BLOC1S3: variants seen among roughly 807,000 people sequenced by gnomAD.
BLOC1S3 encodes biogenesis of lysosome-related organelles complex 1 subunit 3.
BLOC1S3 carries 7 observed loss-of-function variants against 9.1 expected under a neutral mutation model. The observed-to-expected ratio is 0.77, with a 90% CI of 0.44 to 1.45. BLOC1S3 has a LOEUF of 1.45. BLOC1S3 is among the 40% of genes most tolerant of loss of function. The pLI, the probability that BLOC1S3 is intolerant of heterozygous loss-of-function variation, is 0.01. For synonymous variants in BLOC1S3, 145 were observed against 158.4 expected (o/e 0.92, Z 0.64); for missense variants, 307 against 315.2 (o/e 0.97, Z 0.20).
intron 3 of BLOC1S3, among the ~76,000 whole-genome samples, chr19:45,211,878 G>A (rs1254924473): frequency 1.3e-5 from 2 of 152,130 alleles, no homozygotes; most frequent in African/African-American, 2.4e-5. Context: ...AGCCCAGGCC[G>A]GAGGGGCAGG....
intron 2 of BLOC1S3, among the ~76,000 whole-genome samples, chr19:45,193,949 C>T (rs1330646174): frequency 1.8e-5 from 2 of 109,374 alleles, no homozygotes; most frequent in Admixed American, 1.1e-4. Context: ...ACTACAGGCA[C>T]CCACCACCAC....
intron 3 of BLOC1S3, among the ~76,000 whole-genome samples, chr19:45,215,499 A>G (rs1444954366): frequency 6.6e-6 from 1 of 152,104 alleles, no homozygotes; most frequent in Non-Finnish European, 1.5e-5. Flanking sequence ...GTTGGCATGT[A>G]AGATGCTTAT....
At chr19:45,211,667 G>A (rs1253414677) in intron 3 of BLOC1S3, among the ~76,000 whole-genome samples, 3 of 138,238 alleles carry the variant, frequency 2.2e-5, no homozygotes, top group Non-Finnish European at 3.4e-5. Context: ...TTCCTGCCTC[G>A]GGTCAGGAAG....
chr19:45,179,745 AGGCGGCGGGGCT>A lies in BLOC1S3; in HGVS notation c.458_469del (p.Gly153_Ala156del), dbSNP rs778828143. ...CTGGCTAGTAGGCTGGCGGCAGCCCAGGCGGCGGGGCTGGCGGCGGCCCACAGCGTGCGCCTG... is the reference window on the plus strand; with the variant it reads ...CTGGCTAGTAGGCTGGCGGCAGCCCAGGCGGCGGCCCACAGCGTGCGCCTG... On this transcript the variant is annotated inframe_deletion, in exon 2 of 2. Coordinates refer to ENST00000433642, the MANE Select transcript of BLOC1S3 (RefSeq NM_212550.5). This position sits in a 1 kb window ranked among gnomAD's most constrained non-coding sequence, Gnocchi z 4.6. 26 of 1,464,274 alleles carry A rather than the reference AGGCGGCGGGGCT, an allele frequency of 1.8e-5. No homozygotes were observed. Among genetic ancestry groups the A allele is most frequent in the Non-Finnish European group, 2.3e-5 (26 of 1,117,068 alleles). The allele number at this position is 1,464,274 out of a possible 1,614,324, so 90.7% of individuals were successfully genotyped here. A position where few individuals can be genotyped will look rare whatever the true frequency, so the allele number is the denominator to read the frequency against.
Position 45,179,994 on chromosome 19 carries a change from C to A in BLOC1S3, c.*89C>A. 1.4e-6 allele frequency: 2 copies of A among 1,438,608 alleles called. No homozygotes were observed. The highest frequency in any genetic ancestry group is 1.9e-6 in the Non-Finnish European group (2 of 1,056,768). 89.1% of individuals were successfully genotyped at this position (1,438,608 alleles called of 1,614,324 possible). ...ACTCTGTCTCCTGTGTCTCTTATCA[C>A]CCCCCACCCCCGCTCCCATCTTGGT... On this transcript the variant is annotated 3_prime_UTR_variant, in exon 2 of 2. Transcript: ENST00000433642. The surrounding 1 kb of genome is among the most constrained non-coding windows in gnomAD (Gnocchi z 4.6).
intron 2 of BLOC1S3, among the ~76,000 whole-genome samples, chr19:45,195,841 C>T (rs1250988565): frequency 6.6e-6 from 1 of 152,190 alleles, no homozygotes. Flanking sequence ...GTGATCCACC[C>T]GCCTTGGCCT....
chr19:45,186,561 C>A (rs1340886260), downstream of BLOC1S3, among the ~76,000 whole-genome samples: 1 of 151,972 alleles, frequency 6.6e-6, no homozygotes, highest in Non-Finnish European at 1.5e-5. Flanking sequence ...AAAAATTAGT[C>A]CAGTGTGGTG....
chr19:45,208,763 A>G (rs1165475555), intron 3 of BLOC1S3, among the ~76,000 whole-genome samples: 4 of 152,070 alleles, frequency 2.6e-5, no homozygotes, highest in Non-Finnish European at 5.9e-5. Flanking sequence ...CAGAAAGAAA[A>G]AAAAAAAAGC....
chr19:45,216,305 G>A, intron 3 of BLOC1S3: 2 of 1,424,642 alleles, frequency 1.4e-6, no homozygotes, highest in South Asian at 1.4e-5. Context: ...ACCAGGGGTG[G>A]TGGCTCAAGC....
chr19:45,190,066 G>A (rs1011069814), intron 2 of BLOC1S3, among the ~76,000 whole-genome samples: 8 of 150,648 alleles, frequency 5.3e-5, no homozygotes, highest in African/African-American at 2.0e-4. Context: ...ACCTGGCCTC[G>A]TCTCAAGCTC....
chr19:45,215,971 G>T, intron 3 of BLOC1S3: 1 of 1,502,420 alleles, frequency 6.7e-7, no homozygotes, highest in South Asian at 1.3e-5. Flanking sequence ...CACGCTCACC[G>T]GCTCCCTCCC....
chr19:45,200,025 C>CA (rs761064416), intron 2 of BLOC1S3, among the ~76,000 whole-genome samples: 4 of 152,124 alleles, frequency 2.6e-5, no homozygotes, highest in Non-Finnish European at 4.4e-5. Flanking sequence ...TTCAGCCTTT[C>CA]AAAGTGCTGG....
chr19:45,213,235 C>G, intron 3 of BLOC1S3: 1 of 1,612,824 alleles, frequency 6.2e-7, no homozygotes, highest in Non-Finnish European at 8.5e-7. Context: ...GGCACGGTCC[C>G]GAGGGGGTGA....
At chr19:45,195,567 C>CTCCCTCCCTCCT (rs765792936) in intron 2 of BLOC1S3, among the ~76,000 whole-genome samples, 38,894 of 129,796 alleles carry the variant, frequency 0.3, 6,332 homozygotes, top group Non-Finnish European at 0.35. Context: ...CCTTCCCTCC[C>CTCCCTCCCTCCT]TCCCTCCCTC....
intron 2 of BLOC1S3, among the ~76,000 whole-genome samples, chr19:45,193,132 CAAAAAAAAAAAAAAA>C (rs71173123): frequency 1.3e-4 from 10 of 77,958 alleles, no homozygotes; most frequent in African/African-American, 2.3e-4. Flanking sequence ...AACTCCGTCT[CAAAAAAAAAAAAAAA>C]AAAAAAAAAA....
intron 3 of BLOC1S3, among the ~76,000 whole-genome samples, chr19:45,205,078 C>A (rs1399244807): frequency 2.0e-5 from 3 of 152,034 alleles, no homozygotes; most frequent in Non-Finnish European, 4.4e-5. Context: ...ATTGCATTGA[C>A]TCTAAATTAT....
At chr19:45,208,270 CCTCT>C (rs1969742469) in intron 3 of BLOC1S3, among the ~76,000 whole-genome samples, 1 of 152,006 alleles carries the variant, frequency 6.6e-6, no homozygotes. Context: ...CCACACCCAG[CCTCT>C]CTTTTTGTAA....
At chr19:45,204,225 G>A (rs1389439866) in intron 3 of BLOC1S3, among the ~76,000 whole-genome samples, 1 of 132,454 alleles carries the variant, frequency 7.5e-6, no homozygotes, top group Non-Finnish European at 1.6e-5. Context: ...TTTTGCTCTT[G>A]TTGTCCAGGC....
intron 3 of BLOC1S3, among the ~76,000 whole-genome samples, chr19:45,216,496 T>C (rs1167786355): frequency 2.0e-5 from 3 of 151,946 alleles, no homozygotes; most frequent in Non-Finnish European, 2.9e-5. Context: ...GGAGAATCAC[T>C]TGAAATCGAG....
Sources: allele counts gnomAD v4.1 joint callset (sites outside exome capture counted in the v4.1 genomes callset), GRCh38; gene constraint gnomAD v4.1.1; non-coding constraint Gnocchi (gnomAD v3.1); transcripts MANE v1.5; gene names NCBI Gene and HGNC (gene_info 2026-07-23, HGNC 2026-07-21).